The following PRKG1 variants were observed in gnomAD, a reference collection of about 807,000 sequenced individuals.
PRKG1 encodes cGMP-dependent protein kinase 1.
A neutral mutation model predicts 88.1 loss-of-function variants in PRKG1; 35 were observed. The observed-to-expected ratio is 0.40, with a 90% confidence interval of 0.30 to 0.53. PRKG1 has a LOEUF of 0.53. Among genes scored for constraint, PRKG1 ranks in the 20% least tolerant of loss-of-function variants. PRKG1 has a pLI of 0.59. For synonymous variants in PRKG1, 303 were observed against 292.5 expected (o/e 1.04, Z -0.37); for missense variants, 540 against 839.8 (o/e 0.64, Z 4.41).
intron 3 of PRKG1, among the ~76,000 whole-genome samples, chr10:51,506,358 G>A (rs1173492251): frequency 6.6e-6 from 1 of 152,042 alleles, no homozygotes; most frequent in East Asian, 1.9e-4. Flanking sequence ...TACCATCAGA[G>A]TGAACAGGCA....
chr10:52,282,367 A>G, intron 14 of PRKG1, 51 bp downstream of exon 14: 1 of 1,489,256 alleles, frequency 6.7e-7, no homozygotes, highest in South Asian at 1.3e-5. Context: ...GCATGCAGCT[A>G]CACACTCCTG....
At chr10:52,040,402 C>T (rs1490605964) in intron 5 of PRKG1, among the ~76,000 whole-genome samples, 1 of 152,048 alleles carries the variant, frequency 6.6e-6, no homozygotes, top group Non-Finnish European at 1.5e-5. Context: ...AAGCTAATTG[C>T]CTTTGTAAAT....
intron 4 of PRKG1, among the ~76,000 whole-genome samples, chr10:51,808,952 G>T (rs941221344): frequency 6.6e-6 from 1 of 152,066 alleles, no homozygotes; most frequent in Non-Finnish European, 1.5e-5. Flanking sequence ...AAAATGAGTG[G>T]CTCTCTATAA....
At chr10:51,039,771 A>G (rs144947219) in intron 1 of PRKG1, among the ~76,000 whole-genome samples, 214 of 152,190 alleles carry the variant, frequency 1.4e-3, no homozygotes, top group African/African-American at 4.2e-3. Flanking sequence ...TGATTTTTCT[A>G]TATGGTAAGG....
intron 1 of PRKG1, among the ~76,000 whole-genome samples, chr10:51,053,807 T>C (rs868332768): frequency 2.0e-5 from 3 of 151,614 alleles, no homozygotes; most frequent in Admixed American, 6.6e-5. Context: ...TTTGAATATA[T>C]TGAGACATCG....
At chr10:51,255,739 C>T (rs1839541553) in intron 2 of PRKG1, among the ~76,000 whole-genome samples, 1 of 152,054 alleles carries the variant, frequency 6.6e-6, no homozygotes, top group South Asian at 2.1e-4. Flanking sequence ...GGCTTTATGC[C>T]AGAGATGAGC....
chr10:51,645,355 C>T (rs1258017070), intron 3 of PRKG1, among the ~76,000 whole-genome samples: 1 of 152,134 alleles, frequency 6.6e-6, no homozygotes, highest in African/African-American at 2.4e-5. Context: ...AAACATTTTG[C>T]AACAACATCT....
At chr10:52,271,596 G>T (rs1177389972) in intron 11 of PRKG1, 107 bp downstream of exon 11, 5 of 1,180,204 alleles carry the variant, frequency 4.2e-6, no homozygotes, top group South Asian at 2.5e-5. Flanking sequence ...TATGCACAAA[G>T]AAACTTCTTT....
In PRKG1 at chr10:51,446,604, A is replaced by G. The variant is rs111345840; in HGVS notation, c.479-21119A>G. ...AAGTTTTCATCTGCCTCAAGAACCA[A>G]ATTATGTAAAGGAAAGTTGCCACCT... On this transcript the variant is annotated intron_variant, in intron 2 of 17. Coordinates refer to ENST00000373980, the MANE Select transcript of PRKG1 (RefSeq NM_006258.4). Among the ~76,000 whole-genome samples, 313 of 152,190 alleles carry G rather than the reference A, an allele frequency of 2.1e-3. 1 individual carries two copies. Among genetic ancestry groups the G allele is most frequent in the African/African-American group, 7.1e-3 (296 of 41,568 alleles).
At chr10:52,090,778 A>C (rs1319388020) in intron 7 of PRKG1, among the ~76,000 whole-genome samples, 2 of 152,220 alleles carry the variant, frequency 1.3e-5, no homozygotes, top group African/African-American at 4.8e-5. Context: ...GCAGGTTATC[A>C]GTTTTAAGGT....
intron 5 of PRKG1, among the ~76,000 whole-genome samples, chr10:51,991,259 T>C (rs150234283): frequency 6.6e-6 from 1 of 152,274 alleles, no homozygotes; most frequent in African/African-American, 2.4e-5. Flanking sequence ...TTTCAATATG[T>C]AAGATTGTTC....
At chr10:51,314,906 G>T (rs911454789) in intron 2 of PRKG1, among the ~76,000 whole-genome samples, 1 of 152,110 alleles carries the variant, frequency 6.6e-6, no homozygotes, top group Non-Finnish European at 1.5e-5. Flanking sequence ...GTCTCCATTG[G>T]TCTCACATCT....
At chr10:51,487,316 C>T (rs1260808717) in intron 3 of PRKG1, among the ~76,000 whole-genome samples, 5 of 151,848 alleles carry the variant, frequency 3.3e-5, no homozygotes, top group Non-Finnish European at 5.9e-5. Flanking sequence ...AATAATTTAC[C>T]AGGATATTTT....
chr10:51,877,411 T>A (rs747042935), intron 4 of PRKG1, among the ~76,000 whole-genome samples: 30 of 152,156 alleles, frequency 2.0e-4, no homozygotes, highest in Non-Finnish European at 3.4e-4. Flanking sequence ...TGCATGATGG[T>A]ATCTAAAGAA....
chr10:51,415,602 A>G (rs1838214228), intron 2 of PRKG1, among the ~76,000 whole-genome samples: 1 of 152,182 alleles, frequency 6.6e-6, no homozygotes, highest in South Asian at 2.1e-4. Context: ...ACAGGCAGAA[A>G]AGGATTATTG....
intron 1 of PRKG1, among the ~76,000 whole-genome samples, chr10:51,035,154 C>A (rs1217421014): frequency 6.6e-6 from 1 of 152,072 alleles, no homozygotes; most frequent in Non-Finnish European, 1.5e-5. Flanking sequence ...ATCTTGGCTC[C>A]CTTATGGATG....
At chr10:51,465,477 A>G (rs1281831776) in intron 2 of PRKG1, among the ~76,000 whole-genome samples, 1 of 152,212 alleles carries the variant, frequency 6.6e-6, no homozygotes, top group Non-Finnish European at 1.5e-5. Flanking sequence ...GGTCAAGAAA[A>G]TTTTACAAAG....
chr10:51,583,962 T>C (rs1408554332), intron 3 of PRKG1, among the ~76,000 whole-genome samples: 5 of 152,088 alleles, frequency 3.3e-5, no homozygotes, highest in Non-Finnish European at 7.4e-5. Flanking sequence ...CGATGGGATA[T>C]AAATTAGAGT....
chr10:52,246,624 C>A (rs1157727819), intron 9 of PRKG1, among the ~76,000 whole-genome samples: 1 of 152,070 alleles, frequency 6.6e-6, no homozygotes, highest in African/African-American at 2.4e-5. Context: ...TGCCTGTAAT[C>A]CCAGCACTTT....
Sources: gnomAD v4.1 joint callset for allele counts (sites outside exome capture counted in the v4.1 genomes callset) on GRCh38, gnomAD v4.1.1 for gene constraint, MANE v1.5 for transcripts, NCBI Gene and HGNC (gene_info 2026-07-23, HGNC 2026-07-21) for gene names.